SIK3: variants seen among roughly 807,000 people sequenced by gnomAD.
SIK3 encodes the protein SIK family kinase 3.
SIK3 carries 28 observed loss-of-function variants against 144.2 expected under a neutral mutation model. The observed-to-expected ratio is 0.19, with a 90% CI of 0.14 to 0.27. The LOEUF is 0.27. Among genes scored for constraint, SIK3 ranks in the 10% least tolerant of loss-of-function variants. The probability of loss-of-function intolerance (pLI) is 1.00; values close to 1 mark genes in which losing one functional copy is unlikely to be tolerated. For missense variants in SIK3, 1,319 were observed against 1,776.0 expected (o/e 0.74, Z 4.62); for synonymous variants, 686 against 676.3 (o/e 1.01, Z -0.22).
At chr11:116,883,829 G>A (rs1318634154) in intron 6 of SIK3, among the ~76,000 whole-genome samples, 1 of 152,052 alleles carries the variant, frequency 6.6e-6, no homozygotes, top group East Asian at 1.9e-4. Context: ...AGCTACTCAG[G>A]AGGCTGAGGC....
intron 1 of SIK3, among the ~76,000 whole-genome samples, chr11:117,088,269 G>A (rs562114020): frequency 1.3e-5 from 2 of 152,002 alleles, no homozygotes; most frequent in Admixed American, 6.5e-5. Flanking sequence ...AAAAAACTAA[G>A]GGATTTGAAT....
In SIK3 at chr11:116,897,300, G is replaced by C. The variant is rs955508155; in HGVS notation, c.634C>G (p.Leu212Val). Residue 212 changes from leucine (L) to valine (V), a missense_variant, in exon 5 of 25, where the codon CTC becomes GTC. Physicochemically the swap from Leu to Val is conservative, Grantham distance 32. Around this residue, in one of 8 missense-constraint regions of SIK3, gnomAD observed 125 missense variants for 285.2 expected, o/e 0.44. Coordinates refer to ENST00000445177, the MANE Select transcript of SIK3 (RefSeq NM_001366686.3). ...TTCAGCAGCTGCCCAGGAGTGAAGAGGTTACTGAAACCAAAATCTAGAAAG... is the reference window on the plus strand; with the variant it reads ...TTCAGCAGCTGCCCAGGAGTGAAGACGTTACTGAAACCAAAATCTAGAAAG... ...IKIADFGFSN[L>V]FTPGQLLKTW... 6.2e-7 allele frequency: 1 copy of C among 1,613,576 alleles called. No homozygotes were observed. Among genetic ancestry groups the C allele is most frequent in the Non-Finnish European group, 8.5e-7 (1 of 1,179,788 alleles).
At chr11:116,933,462 A>G (rs1947736587) in intron 3 of SIK3, among the ~76,000 whole-genome samples, 1 of 152,190 alleles carries the variant, frequency 6.6e-6, no homozygotes, top group South Asian at 2.1e-4. Flanking sequence ...TTTACTGCTG[A>G]GTAGTACAGC....
At chr11:117,039,251 C>T (rs901910877) in intron 1 of SIK3, among the ~76,000 whole-genome samples, 11 of 152,098 alleles carry the variant, frequency 7.2e-5, no homozygotes, top group African/African-American at 1.9e-4. Flanking sequence ...ATTACAAACA[C>T]CGAAAATAAA....
rs570744315 is a variant in SIK3 at position 117,019,621 on chromosome 11, C to CT, written c.274-62558dup. ...ATTTAAACTTGGCAGTCAACCCCTT[C>CT]TTTTTTTTTTTTGAGACAGAGTCTC... On this transcript the variant is annotated intron_variant, in intron 1 of 24. Transcript: ENST00000445177. Among the ~76,000 whole-genome samples, 222 of 146,352 alleles carry CT rather than the reference C, an allele frequency of 1.5e-3. 3 individuals are homozygous for CT. The highest frequency in any genetic ancestry group is 7.1e-3 in the Middle Eastern group (2 of 282).
intron 1 of SIK3, among the ~76,000 whole-genome samples, chr11:116,999,727 T>C (rs1309626326): frequency 2.0e-5 from 3 of 152,154 alleles, no homozygotes; most frequent in Non-Finnish European, 4.4e-5. Flanking sequence ...ACCCAGCCCA[T>C]TTTCATTTGT....
chr11:117,054,162 G>C (rs749589652), intron 1 of SIK3, among the ~76,000 whole-genome samples: 1 of 152,174 alleles, frequency 6.6e-6, no homozygotes, highest in African/African-American at 2.4e-5. Flanking sequence ...ATTTGAGACA[G>C]ACCACTGAAG....
In SIK3 at chr11:116,858,135, C is replaced by A. The variant is rs1943076069; in HGVS notation, c.3330G>T (p.Leu1110=). Residue 1110 remains leucine (L), a synonymous_variant, in exon 21 of 25, where the codon CTG becomes CTT. Transcript: ENST00000445177. This position sits in a 1 kb window ranked among gnomAD's most constrained non-coding sequence, Gnocchi z 5.4. Reference sequence around the variant, plus strand: ...CACATTCTTGTGCCCTGATTTGTAGCAGATGCTGGGGGCTGGTGTGATGGT... The same window carrying A: ...CACATTCTTGTGCCCTGATTTGTAGAAGATGCTGGGGGCTGGTGTGATGGT... ...SYHHHTSPQH[L]LQIRAQECVS... The A allele has an allele frequency of 6.2e-7, 1 of 1,614,042 alleles. No homozygotes were observed. Among genetic ancestry groups the A allele is most frequent in the South Asian group, 1.1e-5 (1 of 91,084 alleles).
chr11:116,944,087 C>A (rs1181726351), intron 3 of SIK3, among the ~76,000 whole-genome samples: 1 of 152,116 alleles, frequency 6.6e-6, no homozygotes, highest in Non-Finnish European at 1.5e-5. Flanking sequence ...CGTATCACAA[C>A]TAAAATACTA....
chr11:117,072,840 C>T (rs1327242576), intron 1 of SIK3, among the ~76,000 whole-genome samples: 2 of 152,156 alleles, frequency 1.3e-5, no homozygotes, highest in Non-Finnish European at 2.9e-5. Context: ...GAAAGTAGAT[C>T]AAAGGTATTA....
At chr11:116,862,416 T>C (rs1354970402) in intron 16 of SIK3, 89 bp from the exon 17 acceptor site, 3 of 1,567,214 alleles carry the variant, frequency 1.9e-6, no homozygotes, top group Non-Finnish European at 2.6e-6. Context: ...CTCCAAGCTC[T>C]CATGGGCAGA....
chr11:116,876,257 A>C lies in SIK3; in HGVS notation c.1091T>G (p.Leu364Arg), dbSNP rs1311815239. 1 of 1,613,442 alleles carries C rather than the reference A, an allele frequency of 6.2e-7. No homozygotes were observed. Among genetic ancestry groups the C allele is most frequent in the East Asian group, 2.2e-5 (1 of 44,888 alleles). ...EDMGLDKEQTLQSLRSDAYDH... is the reference protein window; with the variant it reads ...EDMGLDKEQTRQSLRSDAYDH... ...TCTCCACTCCTTCGGAGATACCTGC[A>C]GTGTCTGTTCTTTGTCCAGTCCCAT... Residue 364 changes from leucine (L) to arginine (R), a missense_variant, in exon 8 of 25, where the codon CTG becomes CGG. Around this residue, in one of 8 missense-constraint regions of SIK3, gnomAD observed 109 missense variants for 109.3 expected, o/e 1.00. Transcript: ENST00000445177.
intron 1 of SIK3, among the ~76,000 whole-genome samples, chr11:117,002,755 G>A (rs1018514245): frequency 2.0e-5 from 3 of 152,178 alleles, no homozygotes; most frequent in Admixed American, 6.5e-5. Context: ...CTTTTATAGA[G>A]AACATGTAGG....
At chr11:117,025,061 C>G (rs1256087689) in intron 1 of SIK3, among the ~76,000 whole-genome samples, 1 of 152,176 alleles carries the variant, frequency 6.6e-6, no homozygotes, top group Admixed American at 6.5e-5. Context: ...ACAAACTCAT[C>G]CATCGGTAAT....
In SIK3 at chr11:116,858,519, A is replaced by G. The variant is rs761679041; in HGVS notation, c.2946T>C (p.Ser982=). ...TATAGTGTGGCGGCTGCTGATGTGC[A>G]CTGGGAGGGAAGGTGGGGAATTGGT... ...PLDQFPTFPP[S]AHQQPPHYTT... is the part of the protein sequence containing the mutation. The change falls in exon 21 of 25, where the codon AGT becomes AGC. Residue 982 remains serine (S), a synonymous_variant. Coordinates refer to ENST00000445177, the MANE Select transcript of SIK3 (RefSeq NM_001366686.3). This position sits in a 1 kb window ranked among gnomAD's most constrained non-coding sequence, Gnocchi z 5.4. 6.2e-7 allele frequency: 1 copy of G among 1,612,546 alleles called. No individual in the cohort carries two copies. The highest frequency in any genetic ancestry group is 8.5e-7 in the Non-Finnish European group (1 of 1,179,404).
chr11:116,855,667 A>G (rs1333609095), intron 21 of SIK3: 1 of 152,288 alleles, frequency 6.6e-6, no homozygotes, highest in Non-Finnish European at 1.5e-5. Context: ...CTCCTTCCTC[A>G]GTGCCCTGCA....
intron 1 of SIK3, among the ~76,000 whole-genome samples, chr11:117,013,187 T>C (rs1951340218): frequency 6.6e-6 from 1 of 152,166 alleles, no homozygotes; most frequent in Admixed American, 6.5e-5. Context: ...CAGAAGGCCA[T>C]GTTATTTAAA....
intron 4 of SIK3, among the ~76,000 whole-genome samples, chr11:116,925,043 G>A (rs1194653604): frequency 1.3e-5 from 2 of 152,176 alleles, no homozygotes; most frequent in African/African-American, 2.4e-5. Context: ...CACTTTGGGA[G>A]GCCAAGGTGG....
At chr11:117,010,109 C>T (rs543330834) in intron 1 of SIK3, among the ~76,000 whole-genome samples, 15 of 151,996 alleles carry the variant, frequency 9.9e-5, no homozygotes, top group Non-Finnish European at 1.8e-4. Flanking sequence ...TCCTGGGAAG[C>T]CCAGTACCCA....
Sources: gnomAD v4.1 joint callset for allele counts (sites outside exome capture counted in the v4.1 genomes callset) on GRCh38, gnomAD v4.1.1 for gene constraint, gnomAD v4.1.1 regional missense constraint, Gnocchi (gnomAD v3.1) non-coding constraint, MANE v1.5 for transcripts, NCBI Gene and HGNC (gene_info 2026-07-23, HGNC 2026-07-21) for gene names.